FHIT: variants seen among roughly 807,000 people sequenced by gnomAD.
FHIT encodes the protein fragile histidine triad diadenosine triphosphatase, also known as bis(5'-adenosyl)-triphosphatase.
Under a neutral mutation model 17.9 loss-of-function variants are expected in FHIT, and 19 were observed. The ratio of observed to expected loss-of-function variants is 1.06; its 90% CI spans 0.74 to 1.56. FHIT has a LOEUF of 1.56. FHIT is among the 40% of genes most tolerant of loss of function. The pLI is 0.00. For synonymous variants in FHIT, 81 were observed against 69.7 expected (o/e 1.16, Z -0.81); for missense variants, 248 against 189.2 (o/e 1.31, Z -1.82).
chr3:60,337,379 A>C (rs187104252), intron 5 of FHIT, among the ~76,000 whole-genome samples: 1 of 152,194 alleles, frequency 6.6e-6, no homozygotes, highest in Non-Finnish European at 1.5e-5. Flanking sequence ...CTATGTAAGC[A>C]TGTGTTCTGA....
At chr3:60,687,872 A>T (rs919278120) in intron 4 of FHIT, among the ~76,000 whole-genome samples, 2 of 152,094 alleles carry the variant, frequency 1.3e-5, no homozygotes, top group African/African-American at 2.4e-5. Context: ...CCTTATCTTC[A>T]TTGTGAAGTC....
chr3:60,479,381 C>G (rs1350729641), intron 5 of FHIT, among the ~76,000 whole-genome samples: 2 of 152,096 alleles, frequency 1.3e-5, no homozygotes, highest in African/African-American at 4.8e-5. Context: ...TATATACAGT[C>G]ATGCACCACG....
intron 1 of FHIT, among the ~76,000 whole-genome samples, chr3:61,251,063 T>C (rs563186202): frequency 6.6e-6 from 1 of 152,212 alleles, no homozygotes; most frequent in South Asian, 2.1e-4. Context: ...GTTTCCCCAA[T>C]GTATAAACAC....
intron 4 of FHIT, among the ~76,000 whole-genome samples, chr3:60,614,179 T>C (rs1206535613): frequency 6.6e-6 from 1 of 152,174 alleles, no homozygotes; most frequent in African/African-American, 2.4e-5. Flanking sequence ...TGATGAACTA[T>C]GCCTTTGTAA....
At chr3:60,692,544 G>A (rs1397471364) in intron 4 of FHIT, among the ~76,000 whole-genome samples, 1 of 152,166 alleles carries the variant, frequency 6.6e-6, no homozygotes, top group Non-Finnish European at 1.5e-5. Flanking sequence ...TATTGAAGAT[G>A]AAAGGGGGCC....
At chr3:60,720,160 C>T (rs1320586469) in intron 4 of FHIT, among the ~76,000 whole-genome samples, 1 of 152,158 alleles carries the variant, frequency 6.6e-6, no homozygotes, top group Non-Finnish European at 1.5e-5. Flanking sequence ...CTTTTTTCCA[C>T]TCCTTGAACT....
chr3:60,861,201 T>TATCATATATGATA lies in FHIT; in HGVS notation c.-110-39191_-110-39190insTATCATATATGAT, dbSNP rs1377977876. Reference sequence around the variant, plus strand: ...TGATATATATGATATATATCATATATGATATATATGATATATATGATATAT... The same window carrying TATCATATATGATA: ...TGATATATATGATATATATCATATATATCATATATGATAGATATATATGATATATATGATATAT... On this transcript the variant is annotated intron_variant, in intron 3 of 9. Transcript: ENST00000492590. Among the ~76,000 whole-genome samples, 2 of 4,098 alleles carry TATCATATATGATA rather than the reference T, an allele frequency of 4.9e-4. 1 individual carries two copies. The highest frequency in any genetic ancestry group is 8.3e-3 in the Admixed American group (2 of 242). 2.7% of individuals were successfully genotyped at this position (4,098 alleles called of 152,430 possible). A position where few individuals can be genotyped will look rare whatever the true frequency, so the allele number is the denominator to read the frequency against.
At chr3:60,536,819 G>A (rs1218285532) in intron 5 of FHIT, 41 bp downstream of exon 5, 9 of 1,561,200 alleles carry the variant, frequency 5.8e-6, no homozygotes, top group Non-Finnish European at 8.6e-7. Flanking sequence ...AGGCTCAGAA[G>A]ACTTTTATTT....
chr3:60,273,342 C>A (rs1706961174), intron 5 of FHIT, among the ~76,000 whole-genome samples: 1 of 152,180 alleles, frequency 6.6e-6, no homozygotes, highest in African/African-American at 2.4e-5. Context: ...GGCATGGTGG[C>A]TCACACCTGT....
chr3:60,645,963 T>C (rs1553686634), intron 4 of FHIT, among the ~76,000 whole-genome samples: 1 of 152,194 alleles, frequency 6.6e-6, no homozygotes, highest in Non-Finnish European at 1.5e-5. Flanking sequence ...GGACTTAAAA[T>C]AGTCTTCCAA....
In FHIT at chr3:60,923,978, G is replaced by A. The variant is rs192601072; in HGVS notation, c.-110-101967C>T. On this transcript the variant is annotated intron_variant, in intron 3 of 9. Coordinates refer to ENST00000492590, the MANE Select transcript of FHIT (RefSeq NM_002012.4). Reference sequence around the variant, plus strand: ...CCTCATTGCTAGGAAAGCAGCCTGAGATCAAAGTGTAAGGCGGCAGCGAGG... The same window carrying A: ...CCTCATTGCTAGGAAAGCAGCCTGAAATCAAAGTGTAAGGCGGCAGCGAGG... 5.3e-5 allele frequency among the ~76,000 whole-genome samples: 8 copies of A among 152,254 alleles called. No individual in the cohort carries two copies. The East Asian group carries it at 1.6e-3, about 30-fold the overall frequency.
At chr3:59,909,103 G>A (rs956352014) in intron 8 of FHIT, among the ~76,000 whole-genome samples, 21 of 150,496 alleles carry the variant, frequency 1.4e-4, no homozygotes, top group African/African-American at 1.7e-4. Flanking sequence ...GCACAGTCTC[G>A]GCTCAGTGCA....
intron 2 of FHIT, among the ~76,000 whole-genome samples, chr3:61,178,361 C>A (rs1318927573): frequency 6.6e-6 from 1 of 151,828 alleles, no homozygotes; most frequent in Non-Finnish European, 1.5e-5. Context: ...ATGCTCTTAA[C>A]CTCTGCAATG....
chr3:60,308,063 G>A (rs1056896549), intron 5 of FHIT, among the ~76,000 whole-genome samples: 5 of 152,096 alleles, frequency 3.3e-5, no homozygotes, highest in Non-Finnish European at 7.4e-5. Context: ...GGAAAACAAC[G>A]GACAGTAATC....
intron 2 of FHIT, among the ~76,000 whole-genome samples, chr3:61,116,219 G>T (rs902009764): frequency 6.6e-6 from 1 of 152,026 alleles, no homozygotes; most frequent in Non-Finnish European, 1.5e-5. Context: ...AAATGTAAAT[G>T]ATTTTTAAAG....
chr3:60,222,336 GTTC>G (rs1294478396), intron 5 of FHIT, among the ~76,000 whole-genome samples: 1 of 152,098 alleles, frequency 6.6e-6, no homozygotes, highest in Non-Finnish European at 1.5e-5. Flanking sequence ...TCCCCTCCCT[GTTC>G]TTCAACTTCA....
intron 3 of FHIT, among the ~76,000 whole-genome samples, chr3:60,963,939 T>A (rs147572046): frequency 3.9e-5 from 6 of 152,338 alleles, no homozygotes; most frequent in Non-Finnish European, 7.3e-5. Context: ...TGTAGATGTC[T>A]ATTAGGTCCA....
chr3:60,639,420 C>G (rs1460679603), intron 4 of FHIT, among the ~76,000 whole-genome samples: 1 of 151,918 alleles, frequency 6.6e-6, no homozygotes, highest in African/African-American at 2.4e-5. Flanking sequence ...AGACCAAAAA[C>G]GAAGGAGCCA....
chr3:59,798,048 G>A (rs1699849786), intron 8 of FHIT, among the ~76,000 whole-genome samples: 1 of 152,094 alleles, frequency 6.6e-6, no homozygotes, highest in South Asian at 2.1e-4. Flanking sequence ...TTGTGTTTTG[G>A]TGATTTCCTC....
Sources: gnomAD v4.1 joint callset for allele counts (sites outside exome capture counted in the v4.1 genomes callset) on GRCh38, gnomAD v4.1.1 for gene constraint, MANE v1.5 for transcripts, NCBI Gene and HGNC (gene_info 2026-07-23, HGNC 2026-07-21) for gene names.